Variants in PARD3B observed in about 807,000 individuals in gnomAD.
PARD3B encodes the protein partitioning defective 3 homolog B.
A neutral mutation model predicts 130.2 loss-of-function variants in PARD3B; 103 were observed. That is an observed-to-expected ratio of 0.79 (90% CI 0.67 to 0.93). PARD3B has a LOEUF of 0.93. Among genes scored for constraint, PARD3B ranks in the 40% least tolerant of loss-of-function variants. The pLI, the probability that PARD3B is intolerant of heterozygous loss-of-function variation, is 0.00. For missense variants in PARD3B, 1,609 were observed against 1,499.2 expected (o/e 1.07, Z -1.21); for synonymous variants, 583 against 553.2 (o/e 1.05, Z -0.76).
intron 1 of PARD3B, among the ~76,000 whole-genome samples, chr2:204,555,594 G>C (rs1424640451): frequency 6.6e-6 from 1 of 152,108 alleles, no homozygotes; most frequent in South Asian, 2.1e-4. Context: ...AGTATATGCT[G>C]AGTTCCTTGA....
intron 3 of PARD3B, among the ~76,000 whole-genome samples, chr2:204,978,544 T>G (rs1692385766): frequency 1.3e-5 from 2 of 152,230 alleles, no homozygotes; most frequent in Admixed American, 6.5e-5. Context: ...TTAGGTAATA[T>G]TCCTGTTTTG....
chr2:205,149,093 C>G (rs932790924), intron 10 of PARD3B, among the ~76,000 whole-genome samples: 4 of 152,152 alleles, frequency 2.6e-5, no homozygotes, highest in Non-Finnish European at 4.4e-5. Context: ...CAGAGATGGC[C>G]TTATTTGGAA....
Position 205,461,799 on chromosome 2 carries a change from A to G in PARD3B, c.3044+21127A>G, listed in dbSNP as rs2048463033. On this transcript the variant is annotated intron_variant, in intron 20 of 22. Transcript: ENST00000406610. This position sits in a 1 kb window ranked among gnomAD's most constrained non-coding sequence, Gnocchi z 4.3. The stretch of plus-strand genomic sequence containing the variant: ...TCTAACAAGCTGCCGAATGATACTC[A>G]TGCTGCTGGCCTGGGTTCTGTCGGT... Among the ~76,000 whole-genome samples, 1 of 152,062 alleles carries G rather than the reference A, an allele frequency of 6.6e-6. No individual in the cohort carries two copies. Among genetic ancestry groups the G allele is most frequent in the Admixed American group, 6.5e-5 (1 of 15,276 alleles).
intron 2 of PARD3B, among the ~76,000 whole-genome samples, chr2:204,833,774 C>T (rs1374454801): frequency 6.6e-6 from 1 of 152,108 alleles, no homozygotes; most frequent in African/African-American, 2.4e-5. Context: ...TCTTTATAAA[C>T]ACCCAGCCTC....
chr2:205,247,248 A>G (rs773240095), intron 16 of PARD3B, among the ~76,000 whole-genome samples: 5 of 152,216 alleles, frequency 3.3e-5, no homozygotes, highest in Non-Finnish European at 1.5e-5. Flanking sequence ...CTTAATTTCC[A>G]AGCACACTAC....
At chr2:205,609,855 C>G (rs1005392782) in intron 22 of PARD3B, among the ~76,000 whole-genome samples, 19 of 152,326 alleles carry the variant, frequency 1.2e-4, no homozygotes, top group African/African-American at 4.3e-4. Flanking sequence ...ATCTATCCTT[C>G]CACATCCTAA....
intron 1 of PARD3B, among the ~76,000 whole-genome samples, chr2:204,672,667 A>G (rs906961594): frequency 5.9e-5 from 9 of 152,206 alleles, no homozygotes; most frequent in Non-Finnish European, 1.3e-4. Context: ...AATTGGGAAG[A>G]GCGTTTCTTC....
intron 22 of PARD3B, among the ~76,000 whole-genome samples, chr2:205,604,995 A>G (rs1310780889): frequency 3.3e-5 from 5 of 152,112 alleles, no homozygotes; most frequent in African/African-American, 1.2e-4. Context: ...CTCTTGGTCA[A>G]TTGAGCTATT....
Position 204,679,366 on chromosome 2 carries a change from A to G in PARD3B, c.121-6815A>G, listed in dbSNP as rs139129002. On this transcript the variant is annotated intron_variant, in intron 1 of 22. Transcript: ENST00000406610. ...AATTGCTGAGTTATGTGTGATGTTC[A>G]TTCAGCTTTATGGCATGTTTATGTT... Among the ~76,000 whole-genome samples the G allele has an allele frequency of 3.5e-3, 535 of 152,268 alleles. 4 individuals are homozygous for G. Among genetic ancestry groups the G allele is most frequent in the African/African-American group, 0.012 (505 of 41,554 alleles).
chr2:204,874,793 C>T (rs1171724849), intron 2 of PARD3B, among the ~76,000 whole-genome samples: 2 of 152,148 alleles, frequency 1.3e-5, no homozygotes, highest in African/African-American at 2.4e-5. Flanking sequence ...TAATATCACC[C>T]TAGCTTGGTT....
chr2:205,478,486 T>C (rs374452311), intron 20 of PARD3B, among the ~76,000 whole-genome samples: 9 of 152,312 alleles, frequency 5.9e-5, no homozygotes, highest in South Asian at 2.1e-4. Flanking sequence ...CCTAACGTCA[T>C]AGTCTATTCG....
chr2:204,630,640 TG>T (rs2034646516), intron 1 of PARD3B, among the ~76,000 whole-genome samples: 1 of 152,198 alleles, frequency 6.6e-6, no homozygotes, highest in South Asian at 2.1e-4. Flanking sequence ...ATTTAATTTT[TG>T]GAGCACGATA....
chr2:205,132,305 T>G (rs1414849108), intron 10 of PARD3B, among the ~76,000 whole-genome samples: 3 of 152,162 alleles, frequency 2.0e-5, no homozygotes, highest in African/African-American at 7.2e-5. Flanking sequence ...TTAATTTGGC[T>G]GTGTTGTGAT....
intron 1 of PARD3B, among the ~76,000 whole-genome samples, chr2:204,595,956 A>G (rs958873617): frequency 6.6e-6 from 1 of 152,248 alleles, no homozygotes; most frequent in Non-Finnish European, 1.5e-5. Flanking sequence ...GATTATTTGC[A>G]GGTGCTATGC....
rs1328996402 is a variant in PARD3B at position 205,113,394 on chromosome 2, GTGTGTGTGTGT to G, written c.594-96_594-86del. On this transcript the variant is annotated intron_variant, in intron 5 of 22. Coordinates refer to ENST00000406610, the MANE Select transcript of PARD3B (RefSeq NM_001302769.2). ...TTAGTTGATATAATCCTGAGCAGGGGTGTGTGTGTGTGTGTGTGTGTGTGTGTGTATTTTAG... is the reference window on the plus strand; with the variant it reads ...TTAGTTGATATAATCCTGAGCAGGGGGTGTGTGTGTGTGTGTGTATTTTAG... 860 of 584,412 alleles carry G rather than the reference GTGTGTGTGTGT, an allele frequency of 1.5e-3. 5 individuals carry two copies. Among genetic ancestry groups the G allele is most frequent in the African/African-American group, 0.012 (503 of 42,514 alleles). 36.2% of individuals were successfully genotyped at this position (584,412 alleles called of 1,614,324 possible).
chr2:204,602,582 C>T (rs1017924658), intron 1 of PARD3B, among the ~76,000 whole-genome samples: 5 of 151,842 alleles, frequency 3.3e-5, no homozygotes, highest in South Asian at 2.1e-4. Flanking sequence ...CATTATGGCC[C>T]GTTACCTTTT....
At chr2:205,048,861 CCTT>C (rs1416231430) in intron 4 of PARD3B, among the ~76,000 whole-genome samples, 1 of 152,258 alleles carries the variant, frequency 6.6e-6, no homozygotes, top group South Asian at 2.1e-4. Flanking sequence ...AAAACTCTAT[CCTT>C]CTAAGGAAAT....
intron 1 of PARD3B, among the ~76,000 whole-genome samples, chr2:204,674,683 C>T (rs1360374226): frequency 1.3e-5 from 2 of 152,148 alleles, no homozygotes; most frequent in South Asian, 2.1e-4. Flanking sequence ...GTGTCTTAAT[C>T]TCTTCTTTGA....
intron 18 of PARD3B, among the ~76,000 whole-genome samples, chr2:205,322,609 G>T (rs2042788377): frequency 6.6e-6 from 1 of 152,126 alleles, no homozygotes; most frequent in African/African-American, 2.4e-5. Flanking sequence ...TGCTGAATTT[G>T]TCCATATAGC....
Sources: gnomAD v4.1 joint callset for allele counts (sites outside exome capture counted in the v4.1 genomes callset) on GRCh38, gnomAD v4.1.1 for gene constraint, Gnocchi (gnomAD v3.1) non-coding constraint, MANE v1.5 for transcripts, NCBI Gene and HGNC (gene_info 2026-07-23, HGNC 2026-07-21) for gene names.